The following METTL16 variants were observed in gnomAD, a reference collection of about 807,000 sequenced individuals.
The protein encoded by METTL16 is methyltransferase 16, RNA N6-adenosine.
Under a neutral mutation model 57.9 loss-of-function variants are expected in METTL16, and 19 were observed. The ratio of observed to expected loss-of-function variants is 0.33; its 90% CI spans 0.23 to 0.48. The LOEUF is 0.48. METTL16 is among the 20% of genes least tolerant of loss of function. The pLI, the probability that METTL16 is intolerant of heterozygous loss-of-function variation, is 0.99. For synonymous variants in METTL16, 246 were observed against 255.6 expected (o/e 0.96, Z 0.36); for missense variants, 434 against 691.5 (o/e 0.63, Z 4.18).
intron 2 of METTL16, among the ~76,000 whole-genome samples, chr17:2,484,652 G>A (rs980651025): frequency 2.6e-5 from 4 of 152,102 alleles, no homozygotes; most frequent in Non-Finnish European, 5.9e-5. Flanking sequence ...GTACCACCAT[G>A]CCCGGCTAAT....
chr17:2,457,826 T>C (rs2067122595), intron 6 of METTL16, among the ~76,000 whole-genome samples: 1 of 152,172 alleles, frequency 6.6e-6, no homozygotes, highest in South Asian at 2.1e-4. Context: ...TATCATTCCA[T>C]TTTACCAATG....
chr17:2,457,934 C>T (rs558765299), intron 6 of METTL16, among the ~76,000 whole-genome samples: 4 of 152,062 alleles, frequency 2.6e-5, no homozygotes, highest in Non-Finnish European at 5.9e-5. Flanking sequence ...GGCTGGAGTG[C>T]AGCGGCATAA....
intron 8 of METTL16, among the ~76,000 whole-genome samples, chr17:2,421,877 A>C (rs1567878960): frequency 6.6e-6 from 1 of 152,146 alleles, no homozygotes; most frequent in South Asian, 2.1e-4. Flanking sequence ...TTAGCTGGGG[A>C]GGGTGACACC....
intron 6 of METTL16, among the ~76,000 whole-genome samples, chr17:2,453,298 G>A (rs1184976412): frequency 2.0e-5 from 3 of 152,140 alleles, no homozygotes; most frequent in Non-Finnish European, 1.5e-5. Context: ...CCCGATACAA[G>A]GCCCCTTAGG....
chr17:2,507,645 A>T (rs2067555341), intron 1 of METTL16, among the ~76,000 whole-genome samples: 1 of 152,160 alleles, frequency 6.6e-6, no homozygotes, highest in East Asian at 1.9e-4. Flanking sequence ...GCTCATTGAG[A>T]ATGGGCCATG....
chr17:2,422,080 A>C (rs2066770683), intron 8 of METTL16, among the ~76,000 whole-genome samples: 1 of 152,100 alleles, frequency 6.6e-6, no homozygotes, highest in Non-Finnish European at 1.5e-5. Context: ...GGGAGGCCGA[A>C]GCAGGCAGAT....
At chr17:2,497,758 G>T (rs1291799537) in intron 2 of METTL16, among the ~76,000 whole-genome samples, 1 of 151,356 alleles carries the variant, frequency 6.6e-6, no homozygotes, top group Non-Finnish European at 1.5e-5. Context: ...ACAAGGTCTT[G>T]CTCTGTTGCC....
intron 8 of METTL16, among the ~76,000 whole-genome samples, chr17:2,426,224 C>T (rs1238679806): frequency 6.6e-6 from 1 of 152,008 alleles, no homozygotes; most frequent in Non-Finnish European, 1.5e-5. Flanking sequence ...AGTGCAGTGG[C>T]CGTCTGTTTT....
chr17:2,446,278 G>A (rs549540303), intron 6 of METTL16, among the ~76,000 whole-genome samples: 6 of 152,174 alleles, frequency 3.9e-5, no homozygotes, highest in Non-Finnish European at 8.8e-5. Flanking sequence ...ATTCAAAATT[G>A]TGCTGGAGAT....
At chr17:2,434,008 A>G (rs984680276) in intron 8 of METTL16, among the ~76,000 whole-genome samples, 1 of 152,154 alleles carries the variant, frequency 6.6e-6, no homozygotes, top group Non-Finnish European at 1.5e-5. Context: ...TCTTTCCTAT[A>G]AAACTCATCA....
intron 6 of METTL16, among the ~76,000 whole-genome samples, chr17:2,447,643 C>CA (rs2067014489): frequency 7.8e-6 from 1 of 128,100 alleles, no homozygotes; most frequent in Non-Finnish European, 1.6e-5. Context: ...TCTGCCCGGC[C>CA]GCCCCTACTG....
intron 4 of METTL16, among the ~76,000 whole-genome samples, chr17:2,470,793 G>A (rs1458158564): frequency 6.6e-6 from 1 of 152,146 alleles, no homozygotes; most frequent in African/African-American, 2.4e-5. Flanking sequence ...GTGAGACCCT[G>A]TCTCTAAAAT....
chr17:2,498,027 T>C (rs377547924), intron 2 of METTL16, among the ~76,000 whole-genome samples: 6 of 151,552 alleles, frequency 4.0e-5, no homozygotes, highest in East Asian at 3.9e-4. Context: ...ACCCCATCTC[T>C]ACTAAAAATA....
Position 2,480,821 on chromosome 17 carries a change from A to C in METTL16, c.129-2936T>G, listed in dbSNP as rs77988451. On this transcript the variant is annotated intron_variant, in intron 2 of 9. Transcript: ENST00000263092. ...GTAGAAGTAATGAAAGAGTTAGATA[A>C]TTACATTTGGCAATCGCCATGCTAA... is the stretch of plus-strand genomic sequence containing the variant. Among the ~76,000 whole-genome samples, 1,208 of 152,358 alleles carry C rather than the reference A, an allele frequency of 7.9e-3. 13 individuals carry two copies. Among genetic ancestry groups the C allele is most frequent in the African/African-American group, 0.028 (1,145 of 41,572 alleles).
At chr17:2,431,425 C>T (rs1302580034) in intron 8 of METTL16, among the ~76,000 whole-genome samples, 1 of 152,148 alleles carries the variant, frequency 6.6e-6, no homozygotes, top group Non-Finnish European at 1.5e-5. Flanking sequence ...AATAATGTTG[C>T]TGTGAACATT....
Position 2,417,882 on chromosome 17 carries a change from A to T in METTL16, c.*2088T>A, listed in dbSNP as rs181669474. 7.0e-4 allele frequency: 106 copies of T among 152,356 alleles called. 2 individuals are homozygous for T. Among genetic ancestry groups the T allele is most frequent in the African/African-American group, 2.3e-3 (97 of 41,570 alleles). The allele number at this position is 152,356 out of a possible 1,614,324, so 9.4% of individuals were successfully genotyped here. A position where few individuals can be genotyped will look rare whatever the true frequency, so the allele number is the denominator to read the frequency against. ...ATAAGTACTTACTACTTACTGAATG[A>T]ATAGTTGCCACTTAAACAATTATCC... On this transcript the variant is annotated 3_prime_UTR_variant, in exon 10 of 10. Coordinates refer to ENST00000263092, the MANE Select transcript of METTL16 (RefSeq NM_024086.4).
intron 6 of METTL16, among the ~76,000 whole-genome samples, chr17:2,454,466 G>A (rs1043347157): frequency 2.0e-5 from 3 of 151,382 alleles, no homozygotes; most frequent in South Asian, 2.1e-4. Flanking sequence ...CATAAATTTC[G>A]AATCTATATA....
intron 8 of METTL16, among the ~76,000 whole-genome samples, chr17:2,426,767 G>A (rs1263156202): frequency 6.6e-6 from 1 of 151,214 alleles, no homozygotes; most frequent in African/African-American, 2.4e-5. Flanking sequence ...AAATAGCAAG[G>A]GGAAGAAAAC....
intron 6 of METTL16, among the ~76,000 whole-genome samples, chr17:2,446,817 G>A (rs1380941593): frequency 2.6e-5 from 4 of 152,156 alleles, no homozygotes; most frequent in Admixed American, 2.0e-4. Flanking sequence ...TCCTAGCCGT[G>A]AGTGATCCGC....
Sources: gnomAD v4.1 joint callset for allele counts (sites outside exome capture counted in the v4.1 genomes callset) on GRCh38, gnomAD v4.1.1 for gene constraint, MANE v1.5 for transcripts, NCBI Gene and HGNC (gene_info 2026-07-23, HGNC 2026-07-21) for gene names.